The following PCDH15 variants were observed in gnomAD, a reference collection of about 807,000 sequenced individuals.
PCDH15 encodes the protein protocadherin related 15.
In PCDH15, 129 loss-of-function variants were observed where a neutral mutation model predicts 178.5. The observed-to-expected ratio is 0.72, with a 90% CI of 0.63 to 0.84. The LOEUF is 0.84. Ranked by LOEUF, PCDH15 falls within the 40% of genes least tolerant of loss-of-function variation. The probability of loss-of-function intolerance (pLI) is 0.00; values close to 1 mark genes in which losing one functional copy is unlikely to be tolerated. For synonymous variants in PCDH15, 800 were observed against 732.0 expected (o/e 1.09, Z -1.50); for missense variants, 2,230 against 2,099.9 (o/e 1.06, Z -1.21).
chr10:55,607,098 T>C (rs1011421714), intron 2 of PCDH15, among the ~76,000 whole-genome samples: 5 of 152,228 alleles, frequency 3.3e-5, no homozygotes, highest in East Asian at 3.9e-4. Context: ...GATATGAACA[T>C]ACATTTCTCA....
At position 54,353,915 on chromosome 10, in the gene PCDH15, A is replaced by G. The variant is rs115675118; in HGVS notation, c.475-7431T>C. ...GTTACAGAGAATGATAAATAACTCT[A>G]TCTTTACTAAAAACTGAGGAGCAAT... is the stretch of plus-strand genomic sequence containing the variant. On this transcript the variant is annotated intron_variant, in intron 5 of 37. Coordinates refer to ENST00000644397, the MANE Select transcript of PCDH15 (RefSeq NM_001384140.1). Among the ~76,000 whole-genome samples the G allele has an allele frequency of 2.9e-3, 442 of 152,332 alleles. 1 individual carries two copies. The highest frequency in any genetic ancestry group is 0.01 in the African/African-American group (419 of 41,586).
rs187106947 is a variant in PCDH15 at position 55,002,701 on chromosome 10, C to A, written c.-79-105201G>T. On this transcript the variant is annotated intron_variant, in intron 2 of 5. Transcript: ENST00000458638. ...CTTTCAAGAGACTCAGGGCCAGAAA[C>A]TAAAACTATTCAGTCCCTGTAGGCC... Among the ~76,000 whole-genome samples the A allele has an allele frequency of 1.1e-4, 16 of 152,316 alleles. No individual in the cohort carries two copies. In the East Asian group the frequency reaches 3.1e-3, roughly 29 times the overall value.
Position 53,804,132 on chromosome 10 carries a change from A to C in PCDH15, c.*2447T>G, listed in dbSNP as rs532177042. The C allele has an allele frequency of 6.6e-6, 1 of 152,076 alleles. No homozygotes were observed. Among genetic ancestry groups the C allele is most frequent in the South Asian group, 2.1e-4 (1 of 4,814 alleles). 9.4% of individuals were successfully genotyped at this position (152,076 alleles called of 1,614,324 possible). On this transcript the variant is annotated 3_prime_UTR_variant, in exon 38 of 38. Coordinates refer to ENST00000644397, the MANE Select transcript of PCDH15 (RefSeq NM_001384140.1). ...CGTTACCCAAAAATATACTGACCAA[A>C]TATTTGGTTTGGTTGCTCTGTGTAA... is the stretch of plus-strand genomic sequence containing the variant.
chr10:54,343,432 G>T (rs1942635651), intron 6 of PCDH15, among the ~76,000 whole-genome samples: 1 of 152,146 alleles, frequency 6.6e-6, no homozygotes, highest in Middle Eastern at 3.4e-3. Context: ...CAGCCATTTG[G>T]AACTGTGAGT....
intron 2 of PCDH15, among the ~76,000 whole-genome samples, chr10:55,449,277 A>G (rs1839382556): frequency 6.6e-6 from 1 of 152,064 alleles, no homozygotes; most frequent in Admixed American, 6.6e-5. Flanking sequence ...CTGCTATTAC[A>G]GGACTTTAGG....
In PCDH15 at chr10:53,857,356, T is replaced by G. The variant is rs538972852; in HGVS notation, c.3718-93A>C. Reference sequence around the variant, plus strand: ...CACATTACCTCTTCCCTACTATGCATAGACACAGTGGTTTCTGATTTTCAA... The same window carrying G: ...CACATTACCTCTTCCCTACTATGCAGAGACACAGTGGTTTCTGATTTTCAA... On this transcript the variant is annotated intron_variant, in intron 27 of 37. Transcript: ENST00000644397. 2.8e-5 allele frequency: 24 copies of G among 860,198 alleles called. 1 individual carries two copies. In the South Asian group the frequency reaches 3.3e-4, roughly 12 times the overall value. 53.3% of individuals were successfully genotyped at this position (860,198 alleles called of 1,614,324 possible). A position where few individuals can be genotyped will look rare whatever the true frequency, so the allele number is the denominator to read the frequency against.
intron 11 of PCDH15, among the ~76,000 whole-genome samples, chr10:54,186,366 C>T (rs576604600): frequency 6.6e-6 from 1 of 151,972 alleles, no homozygotes; most frequent in East Asian, 1.9e-4. Context: ...TAATAGAACT[C>T]ATAATTTCAA....
intron 2 of PCDH15, among the ~76,000 whole-genome samples, chr10:55,606,929 G>T (rs2132153932): frequency 6.8e-6 from 1 of 147,434 alleles, no homozygotes; most frequent in South Asian, 2.2e-4. Flanking sequence ...CTTCTGCACA[G>T]CAAAAGAAAC....
At chr10:53,924,966 A>G (rs1222581661) in intron 25 of PCDH15, among the ~76,000 whole-genome samples, 1 of 152,162 alleles carries the variant, frequency 6.6e-6, no homozygotes, top group Non-Finnish European at 1.5e-5. Flanking sequence ...CGCACCAATC[A>G]GCACCCTGTC....
At chr10:53,969,206 G>C (rs987410463) in intron 21 of PCDH15, among the ~76,000 whole-genome samples, 2 of 152,108 alleles carry the variant, frequency 1.3e-5, no homozygotes, top group African/African-American at 2.4e-5. Context: ...AACTATCTGA[G>C]GCATGCACAA....
chr10:55,328,196 C>G (rs1844084985), intron 2 of PCDH15, among the ~76,000 whole-genome samples: 1 of 151,328 alleles, frequency 6.6e-6, no homozygotes, highest in African/African-American at 2.4e-5. Context: ...CACATACACA[C>G]TACACTATGC....
chr10:53,867,028 G>A (rs1453811932), intron 26 of PCDH15, among the ~76,000 whole-genome samples, 171 bp from the exon 27 acceptor site: 1 of 152,044 alleles, frequency 6.6e-6, no homozygotes, highest in African/African-American at 2.4e-5. Flanking sequence ...AATAGACTTT[G>A]TGTCCACAGT....
At chr10:55,479,459 A>C (rs1273559687) in intron 2 of PCDH15, among the ~76,000 whole-genome samples, 1 of 151,668 alleles carries the variant, frequency 6.6e-6, no homozygotes, top group Admixed American at 6.6e-5. Context: ...GATAACATCT[A>C]TAACATCCCT....
chr10:55,432,107 ACACACACCAC>A (rs886363996), intron 2 of PCDH15, among the ~76,000 whole-genome samples: 30 of 150,980 alleles, frequency 2.0e-4, no homozygotes, highest in African/African-American at 6.7e-4. Context: ...ACACACACAC[ACACACACCAC>A]AAGTCTCTCC....
intron 1 of PCDH15, among the ~76,000 whole-genome samples, chr10:55,194,995 T>A (rs970973227): frequency 6.6e-6 from 1 of 151,900 alleles, no homozygotes; most frequent in African/African-American, 2.4e-5. Flanking sequence ...AGTAGCCAAA[T>A]TACACACACA....
intron 23 of PCDH15, among the ~76,000 whole-genome samples, chr10:53,945,226 T>C (rs942738235): frequency 2.6e-5 from 4 of 152,214 alleles, no homozygotes; most frequent in Admixed American, 2.6e-4. Flanking sequence ...TGCCTATGCA[T>C]TTCAGTATAT....
At chr10:53,825,112 A>G (rs1420178222) in intron 32 of PCDH15, 1 of 1,532,590 alleles carries the variant, frequency 6.5e-7, no homozygotes, top group Non-Finnish European at 8.8e-7. Context: ...ACGCTCTTCT[A>G]TTAGAGTGAT....
chr10:53,960,014 G>T (rs1015723619), intron 22 of PCDH15, among the ~76,000 whole-genome samples, 170 bp from the exon 23 acceptor site: 1 of 152,032 alleles, frequency 6.6e-6, no homozygotes, highest in African/African-American at 2.4e-5. Context: ...AAAATACTAC[G>T]TTCTCACTTA....
chr10:54,208,948 A>G (rs1158850864), intron 10 of PCDH15, among the ~76,000 whole-genome samples: 1 of 151,734 alleles, frequency 6.6e-6, no homozygotes, highest in Non-Finnish European at 1.5e-5. Context: ...AAGGAGTGCC[A>G]ATCGTTTCCA....
Sources: gnomAD v4.1 joint callset for allele counts (sites outside exome capture counted in the v4.1 genomes callset) on GRCh38, gnomAD v4.1.1 for gene constraint, MANE v1.5 for transcripts, NCBI Gene and HGNC (gene_info 2026-07-23, HGNC 2026-07-21) for gene names.